The following KCNC2 variants were observed in gnomAD, a reference collection of about 807,000 sequenced individuals.
KCNC2 encodes the protein voltage-gated potassium channel KCNC2.
Under a neutral mutation model 44.5 loss-of-function variants are expected in KCNC2, and 21 were observed. The ratio of observed to expected loss-of-function variants is 0.47; its 90% confidence interval spans 0.33 to 0.68. KCNC2 has a LOEUF of 0.68. Among genes scored for constraint, KCNC2 ranks in the 30% least tolerant of loss-of-function variants. The pLI is 0.01. For synonymous variants in KCNC2, 391 were observed against 339.1 expected, an observed-to-expected ratio of 1.15 and a Z score of -1.68; for missense variants, 589 against 826.2, an observed-to-expected ratio of 0.71 and a Z score of 3.52.
chr12:75,177,385 A>G (rs1484631295), intron 2 of KCNC2, among the ~76,000 whole-genome samples: 4 of 152,146 alleles, frequency 2.6e-5, no homozygotes, highest in African/African-American at 9.6e-5. Context: ...ACATTTTTCT[A>G]GGAATTTCTG....
intron 2 of KCNC2, among the ~76,000 whole-genome samples, chr12:75,170,564 A>G (rs899113891): frequency 4.0e-5 from 6 of 151,798 alleles, no homozygotes; most frequent in African/African-American, 1.4e-4. Context: ...AAACCCAAAA[A>G]AAGTTCTTTA....
chr12:75,197,557 T>C (rs942173729), intron 2 of KCNC2, among the ~76,000 whole-genome samples: 1 of 152,064 alleles, frequency 6.6e-6, no homozygotes, highest in Admixed American at 6.6e-5. Context: ...CTTTTCCTAC[T>C]GAATACAAGT....
At chr12:75,061,498 A>C (rs1882318968) in intron 2 of KCNC2, among the ~76,000 whole-genome samples, 1 of 151,768 alleles carries the variant, frequency 6.6e-6, no homozygotes, top group African/African-American at 2.4e-5. Flanking sequence ...GTTTAAGTAA[A>C]GAAATAGGAA....
At chr12:75,179,931 A>G (rs1181410586) in intron 2 of KCNC2, among the ~76,000 whole-genome samples, 1 of 151,780 alleles carries the variant, frequency 6.6e-6, no homozygotes, top group East Asian at 1.9e-4. Context: ...CTGTATCTTA[A>G]TCATCTAAAA....
At chr12:75,177,269 A>G (rs777216929) in intron 2 of KCNC2, among the ~76,000 whole-genome samples, 63 of 152,062 alleles carry the variant, frequency 4.1e-4, no homozygotes, top group Non-Finnish European at 7.2e-4. Context: ...CAATGAAAAA[A>G]GTAATGCTAT....
rs1035725523 is a variant in KCNC2, at chr12:75,042,688, G to A, written c.*417C>T. 5.9e-5 allele frequency: 70 copies of A among 1,190,130 alleles called. No individual in the cohort carries two copies. Among genetic ancestry groups the A allele is most frequent in the Admixed American group, 8.4e-5 (2 of 23,874 alleles). 73.7% of individuals were successfully genotyped at this position (1,190,130 alleles called of 1,614,324 possible). ...CAAATGAGCTGACACAAGTCATGTC[G>A]TGTGCAATCAAGATAGGATCCCAGA... On this transcript the variant is annotated 3_prime_UTR_variant, in exon 5 of 5. Transcript: ENST00000549446.
intron 2 of KCNC2, among the ~76,000 whole-genome samples, chr12:75,142,108 A>G (rs1889698960): frequency 6.6e-6 from 1 of 152,176 alleles, no homozygotes; most frequent in Admixed American, 6.5e-5. Context: ...CTTCCTGTAC[A>G]ACTGTCACTA....
chr12:75,107,666 G>A (rs553692588), intron 2 of KCNC2, among the ~76,000 whole-genome samples: 7 of 151,806 alleles, frequency 4.6e-5, no homozygotes, highest in Non-Finnish European at 7.4e-5. Flanking sequence ...TACACATTTC[G>A]AGTTTAAACG....
At chr12:75,094,786 C>A (rs1885783102) in intron 2 of KCNC2, among the ~76,000 whole-genome samples, 1 of 151,660 alleles carries the variant, frequency 6.6e-6, no homozygotes, top group South Asian at 2.1e-4. Context: ...GAACAATAAT[C>A]AAATGAAAGC....
chr12:75,158,253 A>G (rs1206472769), intron 2 of KCNC2, among the ~76,000 whole-genome samples: 1 of 151,958 alleles, frequency 6.6e-6, no homozygotes, highest in African/African-American at 2.4e-5. Flanking sequence ...AAGCCAAAAA[A>G]TGTTGTTCTA....
At chr12:75,116,352 T>C (rs934071592) in intron 2 of KCNC2, among the ~76,000 whole-genome samples, 1 of 152,158 alleles carries the variant, frequency 6.6e-6, no homozygotes, top group Non-Finnish European at 1.5e-5. Flanking sequence ...GTGATATTGT[T>C]GGAATTGTTA....
intron 2 of KCNC2, among the ~76,000 whole-genome samples, chr12:75,131,298 C>T (rs1888826090): frequency 6.6e-6 from 1 of 152,076 alleles, no homozygotes; most frequent in Non-Finnish European, 1.5e-5. Flanking sequence ...AGATCTTATT[C>T]TCAAATAGTA....
At position 75,054,736 on chromosome 12, in the gene KCNC2, G is replaced by A. The variant is rs1592767265; in HGVS notation, c.688-3419C>T. 3.3e-5 allele frequency among the ~76,000 whole-genome samples: 5 copies of A among 152,252 alleles called. No homozygotes were observed. The South Asian group carries it at 1.0e-3, about 32-fold the overall frequency. ...AGAATGCCAGGTAATAAGGGGAAAT[G>A]TAGCACCCATGAAAATTCTTGGAGA... On this transcript the variant is annotated intron_variant, in intron 2 of 4. Coordinates refer to ENST00000549446, the MANE Select transcript of KCNC2 (RefSeq NM_139137.4).
intron 2 of KCNC2, among the ~76,000 whole-genome samples, chr12:75,097,591 A>T (rs1008105992): frequency 6.6e-6 from 1 of 152,108 alleles, no homozygotes; most frequent in African/African-American, 2.4e-5. Context: ...ACAAAAAATA[A>T]ATTTTCTATT....
chr12:75,090,070 A>G (rs554988394), intron 2 of KCNC2, among the ~76,000 whole-genome samples: 51 of 151,702 alleles, frequency 3.4e-4, no homozygotes, highest in Non-Finnish European at 4.4e-4. Context: ...ATTTTTATTA[A>G]CAAACCAATT....
At chr12:75,150,298 C>T (rs1180923524) in intron 2 of KCNC2, among the ~76,000 whole-genome samples, 2 of 151,802 alleles carry the variant, frequency 1.3e-5, no homozygotes, top group African/African-American at 2.4e-5. Flanking sequence ...TACACTAACA[C>T]ACTTTATCTT....
chr12:75,095,105 T>C (rs1050154212), intron 2 of KCNC2, among the ~76,000 whole-genome samples: 8 of 151,944 alleles, frequency 5.3e-5, no homozygotes, highest in African/African-American at 1.9e-4. Context: ...TGCTTACTCC[T>C]TTTCTGTTTT....
intron 2 of KCNC2, among the ~76,000 whole-genome samples, chr12:75,169,261 A>G (rs1434848732): frequency 2.0e-5 from 3 of 151,572 alleles, no homozygotes; most frequent in African/African-American, 7.3e-5. Flanking sequence ...CTGGCACATA[A>G]TGAGCATTGA....
intron 2 of KCNC2, among the ~76,000 whole-genome samples, chr12:75,178,985 A>AAAAC (rs913037757): frequency 2.2e-4 from 34 of 151,996 alleles, no homozygotes; most frequent in African/African-American, 5.1e-4. Flanking sequence ...TTCCCTATAG[A>AAAAC]AAACAAACAA....
Sources: allele counts gnomAD v4.1 joint callset (sites outside exome capture counted in the v4.1 genomes callset), GRCh38; gene constraint gnomAD v4.1.1; transcripts MANE v1.5; gene names NCBI Gene and HGNC (gene_info 2026-07-23, HGNC 2026-07-21).